The following TGM2 variants were observed in gnomAD, a reference collection of about 807,000 sequenced individuals.
TGM2 encodes the protein transglutaminase 2.
TGM2 carries 53 observed loss-of-function variants against 75.6 expected under a neutral mutation model. The ratio of observed to expected loss-of-function variants is 0.70; its 90% CI spans 0.56 to 0.88. The LOEUF is 0.88. Ranked by LOEUF, TGM2 falls within the 40% of genes least tolerant of loss-of-function variation. The probability of loss-of-function intolerance (pLI) is 0.00; values close to 1 mark genes in which losing one functional copy is unlikely to be tolerated. For missense variants in TGM2, 842 were observed against 928.5 expected (o/e 0.91, Z 1.21); for synonymous variants, 374 against 381.1 (o/e 0.98, Z 0.22).
chr20:38,159,384 G>C (rs1319849693), intron 2 of TGM2, among the ~76,000 whole-genome samples: 3 of 151,898 alleles, frequency 2.0e-5, no homozygotes, highest in Admixed American at 6.6e-5. Flanking sequence ...GGAGGGAGAG[G>C]AGCAGAAAAA....
chr20:38,163,312 T>C (rs1428454514), intron 1 of TGM2, among the ~76,000 whole-genome samples: 1 of 152,152 alleles, frequency 6.6e-6, no homozygotes, highest in African/African-American at 2.4e-5. Flanking sequence ...GGGGCAGGAA[T>C]TTGTTCAAAG....
chr20:38,142,129 G>T lies in TGM2; in HGVS notation c.930C>A (p.Asn310Lys), dbSNP rs767834011. Residue 310 changes from asparagine (N) to lysine (K), a missense_variant, in exon 7 of 13, where the codon AAC becomes AAA. By Grantham distance (94) the Asn-to-Lys change is moderately conservative. Coordinates refer to ENST00000361475, the MANE Select transcript of TGM2 (RefSeq NM_004613.4). ...CATTGCGGAAGTACTCGATGAGAAG[G>T]TTGCTGTTCTGGTCATGGGCCGAGT... The part of the protein sequence containing the change: ...NYNSAHDQNS[N>K]LLIEYFRNEF... 1 of 1,614,174 alleles carries T rather than the reference G, an allele frequency of 6.2e-7. No homozygotes were observed. The highest frequency in any genetic ancestry group is 8.5e-7 in the Non-Finnish European group (1 of 1,180,036).
chr20:38,147,046 A>T, intron 5 of TGM2, 152 bp from the exon 6 acceptor site: 1 of 794,504 alleles, frequency 1.3e-6, no homozygotes, highest in Non-Finnish European at 2.0e-6. Flanking sequence ...CGTGTGACAG[A>T]CTGGTGTGCG....
chr20:38,136,809 T>C lies in TGM2; in HGVS notation c.1615+1304A>G, dbSNP rs45492295. 6.5e-4 allele frequency among the ~76,000 whole-genome samples: 99 copies of C among 152,236 alleles called. No homozygotes were observed. In the East Asian group the frequency reaches 0.017, roughly 26 times the overall value. On this transcript the variant is annotated intron_variant, in intron 10 of 12. Transcript: ENST00000361475. ...AGCCCTGGGCTTGATTCCTGGTCCC[T>C]CACTGCCTCGCTATGTGACCTCAGT... is the stretch of plus-strand genomic sequence containing the variant.
At chr20:38,153,533 G>GAAAAAAA (rs542368902) in intron 3 of TGM2, among the ~76,000 whole-genome samples, 1 of 87,446 alleles carries the variant, frequency 1.1e-5, no homozygotes, top group East Asian at 4.3e-4. Flanking sequence ...TCAAAAAAAA[G>GAAAAAAA]AAAAAAAAAA....
At chr20:38,149,678 CAA>C (rs1199376180) in intron 4 of TGM2, among the ~76,000 whole-genome samples, 23 of 40,442 alleles carry the variant, frequency 5.7e-4, no homozygotes, top group African/African-American at 1.2e-3. Context: ...GACTCCGCCT[CAA>C]AAAAAAAAAA....
chr20:38,144,239 TGTATGACCTTGG>T (rs1445534944), intron 6 of TGM2, among the ~76,000 whole-genome samples: 2 of 152,220 alleles, frequency 1.3e-5, no homozygotes, highest in Non-Finnish European at 1.5e-5. Context: ...GCTCACCAGC[TGTATGACCTTGG>T]GCAAGCCACT....
intron 1 of TGM2, 53 bp downstream of exon 1, chr20:38,165,136 C>A: frequency 1.9e-6 from 3 of 1,613,700 alleles, no homozygotes; most frequent in Non-Finnish European, 2.5e-6. Context: ...CGGGTCCTGA[C>A]CCCCAATGCC....
chr20:38,162,093 C>A (rs45554134), intron 1 of TGM2, among the ~76,000 whole-genome samples: 2 of 152,200 alleles, frequency 1.3e-5, no homozygotes, highest in Admixed American at 6.5e-5. Context: ...AGTGCAGGTG[C>A]GAGCCACAGT....
intron 3 of TGM2, among the ~76,000 whole-genome samples, chr20:38,153,232 T>C (rs1436876115): frequency 1.3e-5 from 2 of 152,090 alleles, no homozygotes; most frequent in Non-Finnish European, 2.9e-5. Context: ...TTAGAAAGAA[T>C]GAGCAGATGT....
chr20:38,142,003 G>C, intron 7 of TGM2, 61 bp downstream of exon 7: 2 of 1,605,834 alleles, frequency 1.2e-6, no homozygotes, highest in South Asian at 2.2e-5. Context: ...AGCCCTCCAA[G>C]GTTTCCTCTC....
In TGM2 at chr20:38,131,170, C is replaced by T. The variant is rs752256099; in HGVS notation, c.1836G>A (p.Pro612=). 40 of 1,613,696 alleles carry T rather than the reference C, an allele frequency of 2.5e-5. No homozygotes were observed. Among genetic ancestry groups the T allele is most frequent in the South Asian group, 1.1e-4 (10 of 91,078 alleles). Residue 612 remains proline, a synonymous_variant, in exon 12 of 13, where the codon CCG becomes CCA. Transcript: ENST00000361475. ...KLVAEVSLQN[P]LPVALEGCTF... is the part of the protein sequence containing the mutation. ...TGCAGCCTTCCAGGGCCACAGGGAG[C>T]GGGTTCTGCAGGGACACCTCAGCCA...
At chr20:38,134,825 G>A (rs929696020) in intron 10 of TGM2, among the ~76,000 whole-genome samples, 12 of 152,180 alleles carry the variant, frequency 7.9e-5, no homozygotes, top group African/African-American at 2.2e-4. Context: ...ACCAGCACAC[G>A]GAAATTCCCC....
intron 2 of TGM2, among the ~76,000 whole-genome samples, chr20:38,159,412 G>C (rs1568703223): frequency 1.3e-5 from 2 of 151,914 alleles, no homozygotes; most frequent in African/African-American, 4.8e-5. Flanking sequence ...TTGGGTACTA[G>C]ACTTAGCACC....
upstream of TGM2, among the ~76,000 whole-genome samples, chr20:38,168,129 C>T (rs1226466029): frequency 7.9e-5 from 12 of 152,198 alleles, no homozygotes; most frequent in Admixed American, 6.5e-4. Flanking sequence ...GCCAGCTGCC[C>T]CCACTTCCTC....
intron 10 of TGM2, among the ~76,000 whole-genome samples, chr20:38,135,936 T>C (rs754264743): frequency 1.3e-5 from 2 of 152,138 alleles, no homozygotes; most frequent in African/African-American, 2.4e-5. Flanking sequence ...CATCACCCCA[T>C]GTAACAGGCG....
intron 3 of TGM2, among the ~76,000 whole-genome samples, chr20:38,155,290 G>A (rs148098372): frequency 1.3e-3 from 197 of 152,256 alleles, no homozygotes; most frequent in African/African-American, 3.7e-3. Context: ...CTCAAACAGC[G>A]AGTGAAGTCC....
chr20:38,165,376 G>C, upstream of TGM2: 2 of 853,962 alleles, frequency 2.3e-6, no homozygotes, highest in Non-Finnish European at 3.6e-6. Flanking sequence ...GCCCAGTCCC[G>C]GGCCCACGCC....
intron 6 of TGM2, chr20:38,146,234 ATCCAGT>A: frequency 6.0e-6 from 1 of 166,156 alleles, no homozygotes; most frequent in Non-Finnish European, 1.3e-5. Flanking sequence ...TACTGTTAGG[ATCCAGT>A]TATTACTGGC....
Sources: gnomAD v4.1 joint callset for allele counts (sites outside exome capture counted in the v4.1 genomes callset) on GRCh38, gnomAD v4.1.1 for gene constraint, MANE v1.5 for transcripts, NCBI Gene and HGNC (gene_info 2026-07-23, HGNC 2026-07-21) for gene names.